Variants in PRKCE observed in about 807,000 individuals in gnomAD.
PRKCE encodes protein kinase C epsilon, also known as protein kinase C epsilon type.
PRKCE carries 16 observed loss-of-function variants against 85.4 expected under a neutral mutation model. That is an observed-to-expected ratio of 0.19 (90% CI 0.13 to 0.28). The LOEUF (loss-of-function observed/expected upper bound fraction) is 0.28, where lower values mean the gene tolerates loss of function less well. Ranked by LOEUF, PRKCE falls within the 10% of genes least tolerant of loss-of-function variation. PRKCE has a pLI of 1.00. For synonymous variants in PRKCE, 388 were observed against 371.5 expected, an observed-to-expected ratio of 1.04 and a Z score of -0.51; for missense variants, 573 against 975.2, an observed-to-expected ratio of 0.59 and a Z score of 5.49.
At chr2:45,706,348 T>C (rs1180103827) in intron 1 of PRKCE, among the ~76,000 whole-genome samples, 1 of 152,222 alleles carries the variant, frequency 6.6e-6, no homozygotes, top group East Asian at 1.9e-4. Context: ...ATGCTGATGG[T>C]AATGAGAAAA....
At chr2:45,858,403 C>G (rs1165827790) in intron 2 of PRKCE, among the ~76,000 whole-genome samples, 1 of 151,528 alleles carries the variant, frequency 6.6e-6, no homozygotes, top group Non-Finnish European at 1.5e-5. Flanking sequence ...AAAAAAATAC[C>G]CTCTGTGATT....
chr2:45,654,974 A>G (rs1675310743), intron 1 of PRKCE, among the ~76,000 whole-genome samples: 1 of 152,234 alleles, frequency 6.6e-6, no homozygotes, highest in Non-Finnish European at 1.5e-5. Flanking sequence ...GCAGGAATGA[A>G]GAAACACACC....
At chr2:45,723,961 T>C (rs575178442) in intron 1 of PRKCE, among the ~76,000 whole-genome samples, 1 of 152,330 alleles carries the variant, frequency 6.6e-6, no homozygotes, top group African/African-American at 2.4e-5. Flanking sequence ...CTTACATTCT[T>C]TGAGGAGACC....
intron 2 of PRKCE, among the ~76,000 whole-genome samples, chr2:45,902,789 A>G (rs1696672821): frequency 6.6e-6 from 1 of 152,242 alleles, no homozygotes; most frequent in African/African-American, 2.4e-5. Context: ...CATTTCTGAT[A>G]TCCAAAGTGT....
intron 1 of PRKCE, among the ~76,000 whole-genome samples, chr2:45,738,855 G>A (rs1682306008): frequency 1.3e-5 from 2 of 152,220 alleles, no homozygotes; most frequent in Non-Finnish European, 2.9e-5. Context: ...CAGCTATGTA[G>A]TTTTTACACG....
chr2:45,824,589 C>T (rs542640169), intron 1 of PRKCE, among the ~76,000 whole-genome samples: 277 of 152,134 alleles, frequency 1.8e-3, no homozygotes, highest in Middle Eastern at 3.4e-3. Flanking sequence ...TCCCTCCGTC[C>T]CTCCCTCCCT....
intron 11 of PRKCE, among the ~76,000 whole-genome samples, chr2:46,103,459 G>A (rs1272365886): frequency 6.6e-6 from 1 of 152,164 alleles, no homozygotes; most frequent in Non-Finnish European, 1.5e-5. Context: ...ACAGAACAAG[G>A]AATTGTGTGT....
At chr2:45,832,326 T>A (rs1051042475) in intron 1 of PRKCE, among the ~76,000 whole-genome samples, 2 of 151,372 alleles carry the variant, frequency 1.3e-5, no homozygotes, top group African/African-American at 4.9e-5. Context: ...TTTTTTTTTT[T>A]TTTTGAGACA....
At chr2:45,867,076 G>T (rs1051119533) in intron 2 of PRKCE, among the ~76,000 whole-genome samples, 2 of 152,198 alleles carry the variant, frequency 1.3e-5, no homozygotes, top group Non-Finnish European at 2.9e-5. Flanking sequence ...TCCCCAAGGT[G>T]CCTCTAACAT....
At chr2:46,153,887 A>G (rs946199550) in intron 13 of PRKCE, among the ~76,000 whole-genome samples, 2 of 150,018 alleles carry the variant, frequency 1.3e-5, no homozygotes, top group African/African-American at 2.5e-5. Flanking sequence ...CCCGGGTTCA[A>G]GAGATTCTCC....
In PRKCE at chr2:46,145,089, G is replaced by C; in HGVS notation, c.1593-4G>C. ...TGACATTATGGTCCTGGCCTATCTTGCAGGGATTTGAAACTGGACAACATC... is the reference window on the plus strand; with the variant it reads ...TGACATTATGGTCCTGGCCTATCTTCCAGGGATTTGAAACTGGACAACATC... On this transcript the variant is annotated splice_region_variant and splice_polypyrimidine_tract_variant and intron_variant, in intron 11 of 14. Coordinates refer to ENST00000306156, the MANE Select transcript of PRKCE (RefSeq NM_005400.3). The surrounding 1 kb of genome is among the most constrained non-coding windows in gnomAD (Gnocchi z 4.6). 6.3e-7 allele frequency: 1 copy of C among 1,599,728 alleles called. No individual in the cohort carries two copies. The highest frequency in any genetic ancestry group is 1.7e-4 in the Middle Eastern group (1 of 6,060).
intron 1 of PRKCE, among the ~76,000 whole-genome samples, chr2:45,712,606 C>G (rs1206842240): frequency 6.6e-6 from 1 of 152,184 alleles, no homozygotes; most frequent in African/African-American, 2.4e-5. Context: ...CTGGCTGGTC[C>G]CACTGACAGT....
Position 46,151,027 on chromosome 2 carries a change from G to A in PRKCE, c.1732-14G>A. The A allele has an allele frequency of 6.3e-7, 1 of 1,586,686 alleles. No homozygotes were observed. The highest frequency in any genetic ancestry group is 1.1e-5 in the South Asian group (1 of 90,280). ...GCCTTTGATGGTGCCTGACATTGCT[G>A]GTTTCCTGAACAGATCCTGCAGGAG... On this transcript the variant is annotated splice_polypyrimidine_tract_variant and intron_variant, in intron 12 of 14. Coordinates refer to ENST00000306156, the MANE Select transcript of PRKCE (RefSeq NM_005400.3).
chr2:45,787,837 A>G (rs115547673), intron 1 of PRKCE, among the ~76,000 whole-genome samples: 30 of 152,298 alleles, frequency 2.0e-4, no homozygotes, highest in Non-Finnish European at 4.1e-4. Context: ...GTTCTCAGCA[A>G]GGAATTGCAG....
intron 1 of PRKCE, among the ~76,000 whole-genome samples, chr2:45,821,809 G>C (rs1238389918): frequency 6.6e-6 from 1 of 152,206 alleles, no homozygotes; most frequent in Non-Finnish European, 1.5e-5. Context: ...GTGTCCCGAT[G>C]GCAGCTGTAT....
intron 1 of PRKCE, among the ~76,000 whole-genome samples, chr2:45,674,324 G>C (rs1161842703): frequency 6.6e-6 from 1 of 152,180 alleles, no homozygotes; most frequent in Non-Finnish European, 1.5e-5. Context: ...CTTTAGAAGA[G>C]TGCTGTGGAG....
At chr2:46,116,240 A>G (rs1672754721) in intron 11 of PRKCE, among the ~76,000 whole-genome samples, 1 of 152,210 alleles carries the variant, frequency 6.6e-6, no homozygotes. Context: ...AGCCAACTTC[A>G]GAGAGATGAC....
At chr2:46,157,765 G>A (rs750806421) in intron 13 of PRKCE, among the ~76,000 whole-genome samples, 1 of 152,202 alleles carries the variant, frequency 6.6e-6, no homozygotes, top group African/African-American at 2.4e-5. Context: ...AAGGGAGGAC[G>A]GGAGGAGCTG....
chr2:45,843,079 T>C lies in PRKCE; in HGVS notation c.412+16T>C. 1 of 1,611,246 alleles carries C rather than the reference T, an allele frequency of 6.2e-7. No individual in the cohort carries two copies. The highest frequency in any genetic ancestry group is 8.5e-7 in the Non-Finnish European group (1 of 1,177,404). On this transcript the variant is annotated intron_variant, in intron 2 of 14. Coordinates refer to ENST00000306156, the MANE Select transcript of PRKCE (RefSeq NM_005400.3). ...TCGGGTGAAGGTAGGAGAGCGTGACTTCTCATCCCTGTTTTCTTCCATTGG... is the reference window on the plus strand; with the variant it reads ...TCGGGTGAAGGTAGGAGAGCGTGACCTCTCATCCCTGTTTTCTTCCATTGG...
Sources: gnomAD v4.1 joint callset for allele counts (sites outside exome capture counted in the v4.1 genomes callset) on GRCh38, gnomAD v4.1.1 for gene constraint, Gnocchi (gnomAD v3.1) non-coding constraint, MANE v1.5 for transcripts, NCBI Gene and HGNC (gene_info 2026-07-23, HGNC 2026-07-21) for gene names.